JAKMIP2: variants seen among roughly 807,000 people sequenced by gnomAD.
JAKMIP2 encodes janus kinase and microtubule interacting protein 2.
JAKMIP2 carries 25 observed loss-of-function variants against 115.0 expected under a neutral mutation model. The ratio of observed to expected loss-of-function variants is 0.22; its 90% CI spans 0.16 to 0.30. JAKMIP2 has a LOEUF of 0.30. Among genes scored for constraint, JAKMIP2 ranks in the 10% least tolerant of loss-of-function variants. The probability of loss-of-function intolerance (pLI) is 1.00; values close to 1 mark genes in which losing one functional copy is unlikely to be tolerated. For synonymous variants in JAKMIP2, 334 were observed against 343.6 expected, an observed-to-expected ratio of 0.97 and a Z score of 0.31; for missense variants, 642 against 957.6, an observed-to-expected ratio of 0.67 and a Z score of 4.35.
intron 2 of JAKMIP2, among the ~76,000 whole-genome samples, chr5:147,663,931 A>G (rs1759164209): frequency 6.6e-6 from 1 of 152,110 alleles, no homozygotes; most frequent in Non-Finnish European, 1.5e-5. Context: ...CATACTGCAA[A>G]TTTGAAGTGA....
intron 1 of JAKMIP2, among the ~76,000 whole-genome samples, chr5:147,746,762 A>G (rs1754360722): frequency 6.6e-6 from 1 of 152,186 alleles, no homozygotes; most frequent in South Asian, 2.1e-4. Context: ...AGAAATTCTC[A>G]TATATGTAAC....
intron 1 of JAKMIP2, among the ~76,000 whole-genome samples, chr5:147,702,369 G>C (rs1395957665): frequency 1.4e-5 from 2 of 147,924 alleles, no homozygotes; most frequent in African/African-American, 2.5e-5. Flanking sequence ...TGGGTGATGG[G>C]TGCACCAACA....
intron 1 of JAKMIP2, among the ~76,000 whole-genome samples, chr5:147,699,159 C>T (rs74945369): frequency 0.021 from 3,237 of 152,266 alleles, 146 homozygotes; most frequent in African/African-American, 0.072. Context: ...AAGCATATCA[C>T]ATTTGAAATG....
At chr5:147,726,415 C>A (rs996430821) in intron 1 of JAKMIP2, among the ~76,000 whole-genome samples, 1 of 152,152 alleles carries the variant, frequency 6.6e-6, no homozygotes. Context: ...AGAAGCCTGG[C>A]GTGCTGGCAA....
chr5:147,706,423 A>G (rs1752562253), intron 1 of JAKMIP2, among the ~76,000 whole-genome samples: 1 of 152,118 alleles, frequency 6.6e-6, no homozygotes, highest in South Asian at 2.1e-4. Context: ...GACTCAAGCA[A>G]TCTTTCTGCC....
intron 1 of JAKMIP2, among the ~76,000 whole-genome samples, chr5:147,695,235 C>T (rs191436378): frequency 5.3e-5 from 8 of 152,136 alleles, no homozygotes; most frequent in Admixed American, 2.6e-4. Flanking sequence ...GTTGAATACA[C>T]GCTTAAATAA....
intron 2 of JAKMIP2, among the ~76,000 whole-genome samples, chr5:147,666,510 A>G (rs1471512937): frequency 2.0e-5 from 3 of 152,228 alleles, no homozygotes; most frequent in Non-Finnish European, 4.4e-5. Flanking sequence ...CTTTCTAAAC[A>G]GGCTTTACAC....
Position 147,650,518 on chromosome 5 carries a change from G to T in JAKMIP2, c.657C>A (p.Ile219=). The change falls in exon 4 of 22, where the codon ATC becomes ATA. Residue 219 remains isoleucine, a synonymous_variant. Coordinates refer to ENST00000616793, the MANE Select transcript of JAKMIP2 (RefSeq NM_001270941.2). ...LMDEIKAKDR[I]IFSLEKELET... is the part of the protein sequence containing the mutation. ...CCAGTTCCTTTTCCAGGGAAAAGAT[G>T]ATCCTGTCCTTGGCTTTGATTTCAT... is the stretch of plus-strand genomic sequence containing the variant. 1 of 1,613,416 alleles carries T rather than the reference G, an allele frequency of 6.2e-7. No individual in the cohort carries two copies. Among genetic ancestry groups the T allele is most frequent in the South Asian group, 1.1e-5 (1 of 91,046 alleles).
At chr5:147,749,274 C>T (rs1011663593) in intron 1 of JAKMIP2, among the ~76,000 whole-genome samples, 3 of 151,898 alleles carry the variant, frequency 2.0e-5, no homozygotes, top group Admixed American at 1.3e-4. Context: ...TGAATATTTA[C>T]TATGTGCCAG....
chr5:147,706,506 T>C (rs1752565865), intron 1 of JAKMIP2, among the ~76,000 whole-genome samples: 1 of 152,112 alleles, frequency 6.6e-6, no homozygotes, highest in Admixed American at 6.6e-5. Flanking sequence ...CTTAACACTT[T>C]TTATGGTCAT....
chr5:147,611,595 T>A (rs1310792406), intron 20 of JAKMIP2, among the ~76,000 whole-genome samples: 3 of 152,242 alleles, frequency 2.0e-5, no homozygotes, highest in Non-Finnish European at 4.4e-5. Flanking sequence ...TGTGTTGGTC[T>A]GGCTGGGAGC....
intron 1 of JAKMIP2, among the ~76,000 whole-genome samples, chr5:147,736,716 A>G (rs1223397635): frequency 6.6e-6 from 1 of 152,144 alleles, no homozygotes; most frequent in African/African-American, 2.4e-5. Context: ...GTTTCAACAT[A>G]TAAATATTGA....
intron 1 of JAKMIP2, among the ~76,000 whole-genome samples, chr5:147,712,510 G>GA (rs1000934430): frequency 6.6e-6 from 1 of 152,084 alleles, no homozygotes; most frequent in African/African-American, 2.4e-5. Context: ...GAAACCCATT[G>GA]AAAAAATAGG....
intron 14 of JAKMIP2, 76 bp from the exon 15 acceptor site, chr5:147,629,822 G>A: frequency 1.7e-6 from 2 of 1,160,954 alleles, no homozygotes. Context: ...CATGAAGTTA[G>A]AGGAAGACAT....
intron 21 of JAKMIP2, among the ~76,000 whole-genome samples, chr5:147,599,719 A>G (rs1030519160): frequency 1.3e-5 from 2 of 152,182 alleles, no homozygotes; most frequent in Non-Finnish European, 2.9e-5. Flanking sequence ...TGCTTGAAAC[A>G]TGGGAGAAAG....
At chr5:147,744,295 C>G (rs1289494825) in intron 1 of JAKMIP2, among the ~76,000 whole-genome samples, 1 of 152,030 alleles carries the variant, frequency 6.6e-6, no homozygotes, top group Non-Finnish European at 1.5e-5. Context: ...TGACAGGGGG[C>G]ACTATGTCTA....
intron 1 of JAKMIP2, among the ~76,000 whole-genome samples, chr5:147,694,220 GT>G (rs5872037): frequency 0.3 from 45,278 of 151,888 alleles, 8,203 homozygotes; most frequent in East Asian, 0.51. Context: ...AAGATTCCAA[GT>G]TTTTTTAGAA....
chr5:147,609,745 C>A (rs1031854859), intron 20 of JAKMIP2, among the ~76,000 whole-genome samples: 2 of 152,124 alleles, frequency 1.3e-5, no homozygotes, highest in African/African-American at 4.8e-5. Flanking sequence ...TGGGGAAGTT[C>A]TCCCGGATAA....
At chr5:147,691,604 C>T (rs1189149493) in intron 1 of JAKMIP2, among the ~76,000 whole-genome samples, 3 of 152,208 alleles carry the variant, frequency 2.0e-5, no homozygotes, top group African/African-American at 7.2e-5. Flanking sequence ...TTCTCCCGAA[C>T]CTTGTGTTCA....
Sources: gnomAD v4.1 joint callset for allele counts (sites outside exome capture counted in the v4.1 genomes callset) on GRCh38, gnomAD v4.1.1 for gene constraint, MANE v1.5 for transcripts, NCBI Gene and HGNC (gene_info 2026-07-23, HGNC 2026-07-21) for gene names.